The following PDK1 variants were observed in gnomAD, a reference collection of about 807,000 sequenced individuals.
PDK1 encodes pyruvate dehydrogenase kinase 1, also known as [Pyruvate dehydrogenase (acetyl-transferring)] kinase isozyme 1, mitochondrial.
PDK1 carries 39 observed loss-of-function variants against 54.2 expected under a neutral mutation model. The ratio of observed to expected loss-of-function variants is 0.72; its 90% CI spans 0.56 to 0.94. The LOEUF (loss-of-function observed/expected upper bound fraction) is 0.94, where lower values mean the gene tolerates loss of function less well. Among genes scored for constraint, PDK1 ranks in the 40% least tolerant of loss-of-function variants. PDK1 has a pLI of 0.00. For synonymous variants in PDK1, 221 were observed against 207.1 expected (o/e 1.07, Z -0.58); for missense variants, 552 against 566.0 (o/e 0.98, Z 0.25).
At chr2:172,567,842 T>C (rs1470276932) in intron 6 of PDK1, among the ~76,000 whole-genome samples, 2 of 152,240 alleles carry the variant, frequency 1.3e-5, no homozygotes, top group African/African-American at 4.8e-5. Flanking sequence ...GTCTTAATCA[T>C]TTGTTCTACT....
intron 9 of PDK1, among the ~76,000 whole-genome samples, chr2:172,592,451 TTCTTTCTC>T (rs753915693): frequency 4.4e-4 from 67 of 152,106 alleles, no homozygotes; most frequent in Non-Finnish European, 7.7e-4. Flanking sequence ...GTCTCTTTCT[TTCTTTCTC>T]TCTGACTCCC....
chr2:172,696,019 A>G, the PDK1 span, among the ~76,000 whole-genome samples: 2 of 151,892 alleles, frequency 1.3e-5, no homozygotes, highest in Non-Finnish European at 1.5e-5. Flanking sequence ...CTAAAAATAC[A>G]AAAATTAGCT....
intron 8 of PDK1, among the ~76,000 whole-genome samples, chr2:172,585,316 ATTTTTTTTTTTTT>A (rs538241255): frequency 9.7e-5 from 10 of 103,306 alleles, no homozygotes; most frequent in Admixed American, 1.0e-4. Context: ...TGCATTTTTA[ATTTTTTTTTTTTT>A]TTTTTTTTTT....
chr2:172,653,927 A>G, the PDK1 span, among the ~76,000 whole-genome samples: 1 of 152,172 alleles, frequency 6.6e-6, no homozygotes, highest in Non-Finnish European at 1.5e-5. Flanking sequence ...AATTTACAAG[A>G]AAAAAACAAA....
chr2:172,594,673 TAAG>T (rs1690794682), intron 10 of PDK1, among the ~76,000 whole-genome samples: 1 of 152,158 alleles, frequency 6.6e-6, no homozygotes, highest in Non-Finnish European at 1.5e-5. Flanking sequence ...AAATAGAAGA[TAAG>T]AAGTCTTAGA....
chr2:172,720,275 G>A, the PDK1 span, among the ~76,000 whole-genome samples: 1 of 151,828 alleles, frequency 6.6e-6, no homozygotes, highest in Non-Finnish European at 1.5e-5. Flanking sequence ...CCACCAAACT[G>A]GGCTAATTTT....
chr2:172,643,199 G>A, the PDK1 span, among the ~76,000 whole-genome samples: 1 of 152,190 alleles, frequency 6.6e-6, no homozygotes, highest in Non-Finnish European at 1.5e-5. Flanking sequence ...TCTCACATTG[G>A]TGTTATGGAC....
In PDK1 at chr2:172,574,581, T is replaced by C. The variant is rs543567889; in HGVS notation, c.945+3757T>C. Among the ~76,000 whole-genome samples, 24 of 152,360 alleles carry C rather than the reference T, an allele frequency of 1.6e-4. No individual in the cohort carries two copies. In the South Asian group the frequency reaches 4.8e-3, roughly 30 times the overall value. Reference sequence around the variant, plus strand: ...TTACACTTACAACACAGGGCATCTTTATAGGTCTTCTTTGCTTTCTTTCAA... The same window carrying C: ...TTACACTTACAACACAGGGCATCTTCATAGGTCTTCTTTGCTTTCTTTCAA... On this transcript the variant is annotated intron_variant, in intron 8 of 10. Coordinates refer to ENST00000282077, the MANE Select transcript of PDK1 (RefSeq NM_002610.5).
chr2:172,589,297 G>T (rs903206193), intron 9 of PDK1, among the ~76,000 whole-genome samples: 1 of 152,200 alleles, frequency 6.6e-6, no homozygotes, highest in Non-Finnish European at 1.5e-5. Flanking sequence ...TTTTTACAAA[G>T]AAACTAATTA....
chr2:172,675,151 TTC>T, the PDK1 span, among the ~76,000 whole-genome samples: 1 of 152,138 alleles, frequency 6.6e-6, no homozygotes, highest in African/African-American at 2.4e-5. Flanking sequence ...GCTTCTTGTC[TTC>T]TCTCTCTCAC....
the PDK1 span, among the ~76,000 whole-genome samples, chr2:172,676,921 C>A: frequency 2.0e-5 from 3 of 152,190 alleles, no homozygotes; most frequent in African/African-American, 7.2e-5. Context: ...CCTGATCAGT[C>A]AGCAGCCACC....
intron 2 of PDK1, among the ~76,000 whole-genome samples, chr2:172,561,433 T>C (rs1688649760): frequency 6.6e-6 from 1 of 152,234 alleles, no homozygotes; most frequent in African/African-American, 2.4e-5. Flanking sequence ...GCACTTCCAT[T>C]GCTCCTAGAT....
chr2:172,700,914 A>G, the PDK1 span, among the ~76,000 whole-genome samples: 5 of 152,080 alleles, frequency 3.3e-5, no homozygotes, highest in Admixed American at 6.5e-5. Flanking sequence ...GAGGCAGGAG[A>G]ATCAGGCAGG....
At chr2:172,624,509 TC>T in the PDK1 span, among the ~76,000 whole-genome samples, 1 of 152,108 alleles carries the variant, frequency 6.6e-6, no homozygotes, top group Non-Finnish European at 1.5e-5. Context: ...AACAGTTTCA[TC>T]CCCAAACCAT....
At chr2:172,585,849 G>A (rs1690192142) in intron 8 of PDK1, among the ~76,000 whole-genome samples, 1 of 152,050 alleles carries the variant, frequency 6.6e-6, no homozygotes, top group South Asian at 2.1e-4. Flanking sequence ...TGGCAACTTG[G>A]ATTGTGTTGT....
rs905579462 is a variant in PDK1 at position 172,565,157 on chromosome 2, A to G, written c.691+84A>G. The G allele has an allele frequency of 1.7e-5, 14 of 812,982 alleles. No homozygotes were observed. The African/African-American group carries it at 2.1e-4, about 12-fold the overall frequency. The allele number at this position is 812,982 out of a possible 1,614,324, so 50.4% of individuals were successfully genotyped here. On this transcript the variant is annotated intron_variant, in intron 5 of 10. Transcript: ENST00000282077. ...TCTTACTATTAAAACATCTATTTGT[A>G]TCATGAGATAAAATGGTAGGCACAA... is the stretch of plus-strand genomic sequence containing the variant.
chr2:172,642,854 C>G, the PDK1 span, among the ~76,000 whole-genome samples: 11 of 151,364 alleles, frequency 7.3e-5, no homozygotes, highest in African/African-American at 2.4e-4. Flanking sequence ...TCTCCTTCTC[C>G]TCCTTCTCCT....
intron 5 of PDK1, 101 bp downstream of exon 5, chr2:172,565,174 T>G: frequency 2.8e-6 from 2 of 714,956 alleles, no homozygotes; most frequent in Non-Finnish European, 2.5e-6. Flanking sequence ...GATAAAATGG[T>G]AGGCACAAAT....
the PDK1 span, among the ~76,000 whole-genome samples, chr2:172,697,315 C>A: frequency 9.9e-5 from 15 of 152,114 alleles, no homozygotes; most frequent in Non-Finnish European, 1.2e-4. Flanking sequence ...CAGGGGATGG[C>A]AAATAATAAA....
Sources: allele counts gnomAD v4.1 joint callset (sites outside exome capture counted in the v4.1 genomes callset), GRCh38; gene constraint gnomAD v4.1.1; transcripts MANE v1.5; gene names NCBI Gene and HGNC (gene_info 2026-07-23, HGNC 2026-07-21).